ZNF124: variants seen among roughly 807,000 people sequenced by gnomAD.
ZNF124 encodes zinc finger protein HZF-16.
ZNF124 carries 25 observed loss-of-function variants against 26.6 expected under a neutral mutation model. The ratio of observed to expected loss-of-function variants is 0.94; its 90% confidence interval spans 0.68 to 1.31. ZNF124 has a LOEUF of 1.31. Ranked by LOEUF, ZNF124 falls within the 40% of genes most tolerant of loss-of-function variation. The pLI is 0.00. For missense variants in ZNF124, 444 were observed against 422.2 expected (o/e 1.05, Z -0.45); for synonymous variants, 129 against 133.3 (o/e 0.97, Z 0.22).
chr1:247,161,607 A>C (rs1195684016), intron 1 of ZNF124, among the ~76,000 whole-genome samples: 1 of 151,910 alleles, frequency 6.6e-6, no homozygotes, highest in Non-Finnish European at 1.5e-5. Flanking sequence ...ATGCAATATA[A>C]AAGAAATTAG....
intron 3 of ZNF124, among the ~76,000 whole-genome samples, chr1:247,147,195 A>C (rs1315786761): frequency 1.3e-5 from 2 of 149,652 alleles, no homozygotes; most frequent in Non-Finnish European, 3.0e-5. Context: ...GCCATCCTGT[A>C]AACTCAAGGA....
At chr1:247,150,948 TGAGA>T (rs1282923318), downstream of ZNF124, among the ~76,000 whole-genome samples, 2 of 151,642 alleles carry the variant, frequency 1.3e-5, no homozygotes, top group African/African-American at 2.4e-5. Context: ...AGAGACTGAG[TGAGA>T]GAGATACCAA....
chr1:247,165,281 G>C (rs989778543), intron 1 of ZNF124, among the ~76,000 whole-genome samples: 39 of 152,062 alleles, frequency 2.6e-4, no homozygotes, highest in Admixed American at 2.5e-3. Context: ...TCTGATTTTT[G>C]ACAAAATCAA....
Position 247,147,958 on chromosome 1 carries a change from C to G in ZNF124, c.218+11048G>C, listed in dbSNP as rs553453725. On this transcript the variant is annotated intron_variant, in intron 3 of 3. Transcript: ENST00000472531. ...AGCCCTGTCAGTGAAGTTTTGGTAT[C>G]AGCGAGTACATAGAGAGAGAGAGAT... Among the ~76,000 whole-genome samples, 3 of 152,332 alleles carry G rather than the reference C, an allele frequency of 2.0e-5. No homozygotes were observed. The East Asian group carries it at 5.8e-4, about 29-fold the overall frequency.
At chr1:247,158,801 G>A (rs1318249431) in intron 3 of ZNF124, among the ~76,000 whole-genome samples, 1 of 152,046 alleles carries the variant, frequency 6.6e-6, no homozygotes, top group Non-Finnish European at 1.5e-5. Flanking sequence ...GGCTAATTTT[G>A]TATTTTTAGT....
intron 1 of ZNF124, among the ~76,000 whole-genome samples, chr1:247,165,395 T>C (rs1048344660): frequency 3.9e-5 from 6 of 152,140 alleles, no homozygotes; most frequent in Non-Finnish European, 7.4e-5. Context: ...CCTTACACCA[T>C]ATACAAATAT....
At position 247,156,526 on chromosome 1, in the gene ZNF124, C is replaced by T. The variant is rs1408574248; in HGVS notation, c.*40G>A. 1 of 1,493,112 alleles carries T rather than the reference C, an allele frequency of 6.7e-7. No homozygotes were observed. Among genetic ancestry groups the T allele is most frequent in the African/African-American group, 1.4e-5 (1 of 71,204 alleles). 92.5% of individuals were successfully genotyped at this position (1,493,112 alleles called of 1,614,324 possible). ...TTCACAGTTTCTCTCAAGTATGTGA[C>T]TGTTCATGTTTTTGACAAAAACTGT... On this transcript the variant is annotated 3_prime_UTR_variant, in exon 4 of 4. Transcript: ENST00000543802.
chr1:247,133,515 G>A (rs1672416118), intron 3 of ZNF124, among the ~76,000 whole-genome samples: 1 of 152,192 alleles, frequency 6.6e-6, no homozygotes, highest in South Asian at 2.1e-4. Flanking sequence ...CAAAATGAAG[G>A]AAATACTGTT....
intron 3 of ZNF124, among the ~76,000 whole-genome samples, chr1:247,143,318 A>G (rs1161583996): frequency 6.6e-6 from 1 of 152,228 alleles, no homozygotes; most frequent in Non-Finnish European, 1.5e-5. Context: ...TCAAAGGGAC[A>G]TCAGGCCTAA....
chr1:247,157,533 A>T (rs1306913781), intron 3 of ZNF124, 130 bp from the exon 4 acceptor site: 1 of 783,164 alleles, frequency 1.3e-6, no homozygotes, highest in Non-Finnish European at 2.2e-6. Context: ...TGACTTATTT[A>T]ATTTTACACA....
intron 3 of ZNF124, among the ~76,000 whole-genome samples, chr1:247,130,186 G>A (rs189323406): frequency 6.6e-6 from 1 of 152,296 alleles, no homozygotes; most frequent in East Asian, 1.9e-4. Context: ...ATTTTCAAAA[G>A]GCCAAGAAAG....
intron 3 of ZNF124, among the ~76,000 whole-genome samples, chr1:247,125,581 G>A (rs139472591): frequency 0.011 from 1,615 of 151,908 alleles, 30 homozygotes; most frequent in African/African-American, 0.037. Context: ...ACAGGCGTCT[G>A]CCATCACACC....
rs1673080463 is a variant in ZNF124, at chr1:247,155,597, C to CA, written c.*968dup. On this transcript the variant is annotated 3_prime_UTR_variant, in exon 4 of 4. Transcript: ENST00000543802. Reference sequence around the variant, plus strand: ...CTTGCCTCAGCTGGGCGTGGTGGCTCACGCCTGTAATCCCAGCACTTTGGG... The same window carrying CA: ...CTTGCCTCAGCTGGGCGTGGTGGCTCAACGCCTGTAATCCCAGCACTTTGGG... Among the ~76,000 whole-genome samples, 1 of 152,080 alleles carries CA rather than the reference C, an allele frequency of 6.6e-6. No homozygotes were observed. Among genetic ancestry groups the CA allele is most frequent in the African/African-American group, 2.4e-5 (1 of 41,434 alleles).
intron 1 of ZNF124, among the ~76,000 whole-genome samples, chr1:247,161,283 G>C (rs895852648): frequency 6.6e-6 from 1 of 152,172 alleles, no homozygotes; most frequent in Non-Finnish European, 1.5e-5. Context: ...GATATGGAAA[G>C]CTGACTAATA....
Position 247,135,822 on chromosome 1 carries a change from T to C in ZNF124, c.219-11951A>G, listed in dbSNP as rs552366322. Among the ~76,000 whole-genome samples the C allele has an allele frequency of 7.9e-5, 12 of 152,248 alleles. No homozygotes were observed. The South Asian group carries it at 2.3e-3, about 29-fold the overall frequency. On this transcript the variant is annotated intron_variant, in intron 3 of 3. Transcript: ENST00000472531. ...TGAATCCAGCAGTACATCAAAAAAC[T>C]TATTCACCACGATCAAGTTAGCTTC...
chr1:247,150,516 T>C (rs1672900265), downstream of ZNF124, among the ~76,000 whole-genome samples: 1 of 152,110 alleles, frequency 6.6e-6, no homozygotes, highest in South Asian at 2.1e-4. Flanking sequence ...ATAAAATTAC[T>C]AGTCATAAAT....
chr1:247,157,375 GGTT>G lies in ZNF124; in HGVS notation c.244_246del (p.Asn82del). The G allele has an allele frequency of 6.4e-7, 1 of 1,552,980 alleles. No homozygotes were observed. ...TTTCCGCATTCCTCACACCCATATG[GGTT>G]GTTTCCAGAATGAGATATGATGTGC... On this transcript the variant is annotated inframe_deletion, in exon 4 of 4. Transcript: ENST00000543802.
At chr1:247,169,718 C>G (rs1445602298) in intron 1 of ZNF124, among the ~76,000 whole-genome samples, 3 of 147,898 alleles carry the variant, frequency 2.0e-5, no homozygotes, top group Non-Finnish European at 4.5e-5. Flanking sequence ...ATGAGACAAT[C>G]CAGAGGGCAG....
chr1:247,152,157 A>G (rs1216516502), downstream of ZNF124, among the ~76,000 whole-genome samples: 1 of 151,206 alleles, frequency 6.6e-6, no homozygotes, highest in African/African-American at 2.4e-5. Context: ...ATCTTTAAAT[A>G]TTTTAAATAC....
Sources: allele counts gnomAD v4.1 joint callset (sites outside exome capture counted in the v4.1 genomes callset), GRCh38; gene constraint gnomAD v4.1.1; transcripts MANE v1.5; gene names NCBI Gene and HGNC (gene_info 2026-07-23, HGNC 2026-07-21).